WWC2: variants seen among roughly 807,000 people sequenced by gnomAD.
WWC2 encodes the protein WW and C2 domain containing 2, also known as protein WWC2.
A neutral mutation model predicts 138.5 loss-of-function variants in WWC2; 101 were observed. The ratio of observed to expected loss-of-function variants is 0.73; its 90% CI spans 0.62 to 0.86. The LOEUF is 0.86. WWC2 is among the 40% of genes least tolerant of loss of function. The pLI, the probability that WWC2 is intolerant of heterozygous loss-of-function variation, is 0.00. For synonymous variants in WWC2, 558 were observed against 538.4 expected (o/e 1.04, Z -0.50); for missense variants, 1,420 against 1,419.4 (o/e 1.00, Z -0.01).
chr4:183,267,955 C>G (rs1467055051), intron 14 of WWC2, among the ~76,000 whole-genome samples: 1 of 152,084 alleles, frequency 6.6e-6, no homozygotes, highest in Non-Finnish European at 1.5e-5. Context: ...TTGTGACAAG[C>G]AGAAAAGATT....
At chr4:183,255,877 C>CTTTTTTTTTT (rs551883972) in intron 9 of WWC2, among the ~76,000 whole-genome samples, 3,393 of 140,460 alleles carry the variant, frequency 0.024, 141 homozygotes, top group African/African-American at 0.086. Flanking sequence ...GCTTTTTTTC[C>CTTTTTTTTTT]TTTTTTTTTT....
intron 4 of WWC2, among the ~76,000 whole-genome samples, chr4:183,218,621 G>A (rs1478525587): frequency 1.3e-5 from 2 of 152,188 alleles, no homozygotes; most frequent in Admixed American, 1.3e-4. Flanking sequence ...AGGCACAGGA[G>A]AGCCAGTACA....
At chr4:183,234,653 C>T (rs1736359373) in intron 4 of WWC2, among the ~76,000 whole-genome samples, 2 of 152,044 alleles carry the variant, frequency 1.3e-5, no homozygotes, top group Admixed American at 1.3e-4. Context: ...GGTTACTTAC[C>T]TTTCCTCTTT....
intron 22 of WWC2, among the ~76,000 whole-genome samples, chr4:183,314,670 G>A (rs1360413046): frequency 6.6e-6 from 1 of 152,224 alleles, no homozygotes; most frequent in Non-Finnish European, 1.5e-5. Context: ...TCAAATGCAG[G>A]TGCCGGCAAC....
At chr4:183,172,387 T>G (rs1012087742) in intron 1 of WWC2, among the ~76,000 whole-genome samples, 29 of 152,206 alleles carry the variant, frequency 1.9e-4, no homozygotes, top group African/African-American at 7.0e-4. Context: ...TTGTTGAGGC[T>G]TTGCATCTCC....
chr4:183,222,691 C>T (rs554433846), intron 4 of WWC2, among the ~76,000 whole-genome samples: 49 of 152,180 alleles, frequency 3.2e-4, no homozygotes, highest in African/African-American at 1.0e-3. Context: ...TGTGGCCAGG[C>T]GTGGTGGCTC....
intron 21 of WWC2, among the ~76,000 whole-genome samples, chr4:183,302,882 G>A (rs531931240): frequency 6.6e-6 from 1 of 152,140 alleles, no homozygotes; most frequent in African/African-American, 2.4e-5. Context: ...TGGACAACAT[G>A]GTGAAACCCC....
chr4:183,121,747 T>G (rs571518445), intron 1 of WWC2, among the ~76,000 whole-genome samples: 2 of 152,030 alleles, frequency 1.3e-5, no homozygotes, highest in South Asian at 4.1e-4. Context: ...TTTCACCTAT[T>G]ATGAGTGAGG....
intron 20 of WWC2, among the ~76,000 whole-genome samples, chr4:183,287,556 A>T (rs1305133194): frequency 6.6e-6 from 1 of 152,214 alleles, no homozygotes; most frequent in Non-Finnish European, 1.5e-5. Flanking sequence ...ATCCTGAAGC[A>T]TATGTAGGAG....
At chr4:183,187,689 G>A (rs1361740757) in intron 1 of WWC2, among the ~76,000 whole-genome samples, 73 of 151,482 alleles carry the variant, frequency 4.8e-4, no homozygotes, top group Non-Finnish European at 2.9e-5. Flanking sequence ...TGACCAACAC[G>A]GAGAAACCCC....
At chr4:183,265,171 A>AT (rs1737460921) in intron 12 of WWC2, 64 bp downstream of exon 12, 1 of 1,533,134 alleles carries the variant, frequency 6.5e-7, no homozygotes, top group Admixed American at 2.0e-5. Flanking sequence ...TGTGGGTTAT[A>AT]TGCTGTAAAT....
chr4:183,270,084 A>C lies in WWC2; in HGVS notation c.2400+921A>C, dbSNP rs557996343. 18 of 152,230 alleles carry C rather than the reference A, an allele frequency of 1.2e-4. 1 individual carries two copies. Among genetic ancestry groups the C allele is most frequent in the African/African-American group, 4.3e-4 (18 of 41,548 alleles). The allele number at this position is 152,230 out of a possible 1,614,324, so 9.4% of individuals were successfully genotyped here. On this transcript the variant is annotated intron_variant, in intron 15 of 22. Coordinates refer to ENST00000403733, the MANE Select transcript of WWC2 (RefSeq NM_024949.6). ...CTTAATTTTTCTTCTTGTTTTCTTT[A>C]CTTGAAAAAAATATCTGATGATATT...
At chr4:183,215,862 A>G (rs1387918916) in intron 4 of WWC2, among the ~76,000 whole-genome samples, 1 of 152,186 alleles carries the variant, frequency 6.6e-6, no homozygotes, top group Non-Finnish European at 1.5e-5. Flanking sequence ...GCATTTTACA[A>G]TATTAAAAGC....
intron 12 of WWC2, 121 bp downstream of exon 12, chr4:183,265,228 C>G (rs1002823097): frequency 7.5e-7 from 1 of 1,335,540 alleles, no homozygotes; most frequent in Admixed American, 3.0e-5. Flanking sequence ...GGACTTTAGC[C>G]GTTAAAGAAG....
chr4:183,274,296 T>C (rs2111388318), intron 16 of WWC2, among the ~76,000 whole-genome samples: 1 of 152,348 alleles, frequency 6.6e-6, no homozygotes, highest in South Asian at 2.1e-4. Flanking sequence ...GAATTGGACC[T>C]GTAGGTCAGT....
At chr4:183,111,535 C>T (rs1312193332) in intron 1 of WWC2, among the ~76,000 whole-genome samples, 1 of 151,866 alleles carries the variant, frequency 6.6e-6, no homozygotes, top group Non-Finnish European at 1.5e-5. Flanking sequence ...TGTGTGGAAT[C>T]TGCTTTGTAC....
At chr4:183,241,533 A>G (rs1292593328) in intron 5 of WWC2, among the ~76,000 whole-genome samples, 1 of 152,184 alleles carries the variant, frequency 6.6e-6, no homozygotes, top group African/African-American at 2.4e-5. Context: ...ATACTCCTTC[A>G]GATGCTCCCA....
chr4:183,292,662 T>A (rs1738495645), intron 21 of WWC2, among the ~76,000 whole-genome samples: 1 of 151,692 alleles, frequency 6.6e-6, no homozygotes, highest in Non-Finnish European at 1.5e-5. Context: ...AAAATATAAG[T>A]TCTGGATGCT....
At chr4:183,115,034 C>T (rs1166206001) in intron 1 of WWC2, among the ~76,000 whole-genome samples, 1 of 152,190 alleles carries the variant, frequency 6.6e-6, no homozygotes, top group African/African-American at 2.4e-5. Flanking sequence ...CCACCTTCCA[C>T]TCTCAAATAG....
Sources: allele counts gnomAD v4.1 joint callset (sites outside exome capture counted in the v4.1 genomes callset), GRCh38; gene constraint gnomAD v4.1.1; transcripts MANE v1.5; gene names NCBI Gene and HGNC (gene_info 2026-07-23, HGNC 2026-07-21).